EEA1: variants seen among roughly 807,000 people sequenced by gnomAD.
EEA1 encodes the protein early endosome antigen 1, 162kD.
Under a neutral mutation model 209.2 loss-of-function variants are expected in EEA1, and 111 were observed. The observed-to-expected ratio is 0.53, with a 90% CI of 0.45 to 0.62. The LOEUF is 0.62. Among genes scored for constraint, EEA1 ranks in the 20% least tolerant of loss-of-function variants. The pLI, the probability that EEA1 is intolerant of heterozygous loss-of-function variation, is 0.00. For missense variants in EEA1, 1,343 were observed against 1,530.8 expected, an observed-to-expected ratio of 0.88 and a Z score of 2.05; for synonymous variants, 536 against 540.6, an observed-to-expected ratio of 0.99 and a Z score of 0.12.
At chr12:92,810,605 T>C (rs532436639) in intron 17 of EEA1, among the ~76,000 whole-genome samples, 46 of 152,154 alleles carry the variant, frequency 3.0e-4, no homozygotes, top group Admixed American at 1.6e-3. Flanking sequence ...GTTACATATA[T>C]AGTAACTTGA....
chr12:92,773,493 C>T lies in EEA1; in HGVS notation c.*2518G>A, dbSNP rs1226792083. The T allele has an allele frequency of 6.6e-6, 1 of 151,960 alleles. No homozygotes were observed. Among genetic ancestry groups the T allele is most frequent in the East Asian group, 1.9e-4 (1 of 5,188 alleles). 9.4% of individuals were successfully genotyped at this position (151,960 alleles called of 1,614,324 possible). Reference sequence around the variant, plus strand: ...AAAGGAACAAATCCTATACCAGCAGCTTTGTCTTCTTTCTATTAAAAAAAA... The same window carrying T: ...AAAGGAACAAATCCTATACCAGCAGTTTTGTCTTCTTTCTATTAAAAAAAA... On this transcript the variant is annotated 3_prime_UTR_variant, in exon 29 of 29. Transcript: ENST00000322349.
chr12:92,905,913 TA>T (rs1395978437), intron 1 of EEA1, among the ~76,000 whole-genome samples: 18 of 151,882 alleles, frequency 1.2e-4, no homozygotes, highest in Non-Finnish European at 1.2e-4. Flanking sequence ...TATATATATA[TA>T]TATTTTTAAT....
At chr12:92,860,505 A>G (rs549444174) in intron 3 of EEA1, among the ~76,000 whole-genome samples, 1 of 152,332 alleles carries the variant, frequency 6.6e-6, no homozygotes, top group East Asian at 1.9e-4. Context: ...CCTTAAGTAC[A>G]GTGAAGCTAT....
chr12:92,865,963 G>A (rs1355489631), intron 2 of EEA1, among the ~76,000 whole-genome samples: 1 of 150,942 alleles, frequency 6.6e-6, no homozygotes, highest in African/African-American at 2.4e-5. Context: ...TTGGCCCGGT[G>A]GTCTCGAACT....
At chr12:92,848,088 A>T (rs1877456742) in intron 9 of EEA1, among the ~76,000 whole-genome samples, 1 of 151,886 alleles carries the variant, frequency 6.6e-6, no homozygotes, top group Non-Finnish European at 1.5e-5. Flanking sequence ...TAAATCACCT[A>T]TTCAGTTACT....
chr12:92,904,632 G>A (rs538174203), intron 1 of EEA1, among the ~76,000 whole-genome samples: 76 of 152,150 alleles, frequency 5.0e-4, no homozygotes, highest in African/African-American at 1.8e-3. Context: ...GCTACATGTC[G>A]GGAACCCTCA....
At chr12:92,848,610 T>C (rs1877477407) in intron 9 of EEA1, among the ~76,000 whole-genome samples, 1 of 151,996 alleles carries the variant, frequency 6.6e-6, no homozygotes, top group Non-Finnish European at 1.5e-5. Flanking sequence ...AATAAGAATT[T>C]ATTAGAGTAA....
rs551286946 is a variant in EEA1, at chr12:92,923,357, A to C, written c.24+5686T>G. ...AGCGAGACTCCGTCTCAAAACAAAA[A>C]AAAAAATTTTCTGTGGCTCCTTACT... is the stretch of plus-strand genomic sequence containing the variant. On this transcript the variant is annotated intron_variant, in intron 1 of 28. Coordinates refer to ENST00000322349, the MANE Select transcript of EEA1 (RefSeq NM_003566.4). Among the ~76,000 whole-genome samples the C allele has an allele frequency of 2.0e-5, 3 of 152,350 alleles. No individual in the cohort carries two copies. The East Asian group carries it at 5.8e-4, about 29-fold the overall frequency.
intron 1 of EEA1, among the ~76,000 whole-genome samples, chr12:92,893,826 C>A (rs1035851490): frequency 1.3e-5 from 2 of 151,710 alleles, no homozygotes; most frequent in African/African-American, 4.8e-5. Context: ...TAAAGATAAG[C>A]AAACCTCCAG....
At chr12:92,836,378 T>C (rs1291817019) in intron 10 of EEA1, among the ~76,000 whole-genome samples, 4 of 152,222 alleles carry the variant, frequency 2.6e-5, no homozygotes, top group Non-Finnish European at 5.9e-5. Flanking sequence ...CCAATTGTTA[T>C]CTCAATATAT....
At chr12:92,854,666 A>G (rs946421544) in intron 5 of EEA1, among the ~76,000 whole-genome samples, 20 of 152,194 alleles carry the variant, frequency 1.3e-4, no homozygotes, top group African/African-American at 4.6e-4. Flanking sequence ...ATAGGGCCAT[A>G]TCCTATTGGC....
At chr12:92,846,854 T>C (rs556481691) in intron 9 of EEA1, among the ~76,000 whole-genome samples, 1 of 152,348 alleles carries the variant, frequency 6.6e-6, no homozygotes, top group East Asian at 1.9e-4. Flanking sequence ...CAACTAGGTA[T>C]ACTAGTCAAA....
intron 10 of EEA1, among the ~76,000 whole-genome samples, chr12:92,835,055 G>A (rs955700788): frequency 6.6e-5 from 10 of 151,536 alleles, no homozygotes; most frequent in African/African-American, 2.2e-4. Flanking sequence ...TAATTTTCTT[G>A]TATTTTTAGT....
intron 2 of EEA1, among the ~76,000 whole-genome samples, chr12:92,888,777 G>T (rs1454134187): frequency 6.6e-6 from 1 of 152,148 alleles, no homozygotes; most frequent in Non-Finnish European, 1.5e-5. Flanking sequence ...TTAGGAAGTA[G>T]TGATCCATAT....
intron 2 of EEA1, among the ~76,000 whole-genome samples, chr12:92,873,278 G>A (rs1363122219): frequency 1.3e-5 from 2 of 152,124 alleles, no homozygotes; most frequent in African/African-American, 2.4e-5. Context: ...GTCATTAGAT[G>A]TACGCTTAAA....
intron 13 of EEA1, among the ~76,000 whole-genome samples, chr12:92,824,537 A>G (rs1876204090): frequency 6.6e-6 from 1 of 152,106 alleles, no homozygotes; most frequent in African/African-American, 2.4e-5. Flanking sequence ...TAACTCTTCT[A>G]ACACTCTCCC....
chr12:92,860,943 G>A (rs1439237702), intron 3 of EEA1, among the ~76,000 whole-genome samples: 9 of 151,412 alleles, frequency 5.9e-5, no homozygotes, highest in Non-Finnish European at 1.3e-4. Flanking sequence ...AAGAAAAAGA[G>A]GAGCAGCAGC....
At chr12:92,883,230 G>A (rs976020204) in intron 2 of EEA1, among the ~76,000 whole-genome samples, 1 of 152,106 alleles carries the variant, frequency 6.6e-6, no homozygotes, top group East Asian at 1.9e-4. Flanking sequence ...GTCTGTTCGT[G>A]TCTTTTGACC....
intron 14 of EEA1, among the ~76,000 whole-genome samples, chr12:92,817,829 C>T (rs1429025606): frequency 1.3e-5 from 2 of 152,228 alleles, no homozygotes; most frequent in South Asian, 2.1e-4. Context: ...TTTTACACTT[C>T]GTAAGGTCAG....
Sources: allele counts gnomAD v4.1 joint callset (sites outside exome capture counted in the v4.1 genomes callset), GRCh38; gene constraint gnomAD v4.1.1; transcripts MANE v1.5; gene names NCBI Gene and HGNC (gene_info 2026-07-23, HGNC 2026-07-21).